IL1RAPL1: variants seen among roughly 807,000 people sequenced by gnomAD.
IL1RAPL1 encodes the protein interleukin 1 receptor accessory protein like 1.
In IL1RAPL1, 3 loss-of-function variants were observed where a neutral mutation model predicts 48.4. The observed-to-expected ratio is 0.06, with a 90% CI of 0.03 to 0.16. The LOEUF is 0.16. Ranked by LOEUF, IL1RAPL1 falls within the 10% of genes least tolerant of loss-of-function variation. IL1RAPL1 has a pLI of 1.00. For synonymous variants in IL1RAPL1, 185 were observed against 187.7 expected, an observed-to-expected ratio of 0.99 and a Z score of 0.12; for missense variants, 349 against 530.6, an observed-to-expected ratio of 0.66 and a Z score of 3.36.
intron 5 of IL1RAPL1, among the ~76,000 whole-genome samples, chrX:29,450,679 T>C (rs769383778): frequency 8.9e-6 from 1 of 111,894 alleles, no homozygotes; most frequent in East Asian, 2.8e-4. Flanking sequence ...TAAAAAAATT[T>C]GAAAATTCAT....
intron 2 of IL1RAPL1, among the ~76,000 whole-genome samples, chrX:29,184,170 T>A (rs1930205300): frequency 9.0e-6 from 1 of 111,431 alleles, no homozygotes; most frequent in African/African-American, 3.3e-5. Context: ...ATATACACCG[T>A]CATCCTGACT....
intron 2 of IL1RAPL1, among the ~76,000 whole-genome samples, chrX:29,024,890 A>G (rs978087042): frequency 2.7e-5 from 3 of 111,788 alleles, no homozygotes; most frequent in Non-Finnish European, 5.6e-5. Context: ...AACCATCACC[A>G]CAATCTAAAT....
chrX:29,912,235 C>T (rs771730188), intron 6 of IL1RAPL1, among the ~76,000 whole-genome samples: 26 of 111,188 alleles, frequency 2.3e-4, no homozygotes, highest in African/African-American at 7.8e-4. Flanking sequence ...CAATGTGAAG[C>T]CTAGTTTACA....
chrX:29,868,938 C>T (rs12116066), intron 6 of IL1RAPL1, among the ~76,000 whole-genome samples: 3,566 of 111,570 alleles, frequency 0.032, 142 homozygotes, highest in African/African-American at 0.1. Context: ...TCCACTCAAC[C>T]GGTTGGAATT....
chrX:29,293,160 C>G (rs1480981574), intron 3 of IL1RAPL1, among the ~76,000 whole-genome samples: 1 of 111,751 alleles, frequency 8.9e-6, no homozygotes, highest in East Asian at 2.8e-4. Flanking sequence ...GGGTTGTGCT[C>G]TTTTCAAAAA....
intron 3 of IL1RAPL1, among the ~76,000 whole-genome samples, chrX:29,322,385 G>T (rs780120133): frequency 3.4e-4 from 37 of 109,710 alleles, no homozygotes; most frequent in Admixed American, 8.8e-4. Flanking sequence ...TCCTGCCTCA[G>T]CCTCCTGTGT....
In IL1RAPL1 at chrX:28,901,795, C is replaced by T. The variant is rs779332178; in HGVS notation, c.82+112370C>T. Reference sequence around the variant, plus strand: ...TAGGATAGCGATTTCCATCCTCACTCGCTCAAATATTACTCAGCCTTTCTT... The same window carrying T: ...TAGGATAGCGATTTCCATCCTCACTTGCTCAAATATTACTCAGCCTTTCTT... On this transcript the variant is annotated intron_variant, in intron 2 of 10. Transcript: ENST00000378993. 6.3e-5 allele frequency among the ~76,000 whole-genome samples: 7 copies of T among 111,998 alleles called. No individual in the cohort carries two copies. The East Asian group carries it at 8.4e-4, about 14-fold the overall frequency.
intron 3 of IL1RAPL1, among the ~76,000 whole-genome samples, chrX:29,378,190 ATTC>A (rs1241446497): frequency 1.8e-5 from 2 of 111,229 alleles, no homozygotes; most frequent in East Asian, 5.6e-4. Flanking sequence ...TTATTATAAA[ATTC>A]TTCTAGTAAT....
At chrX:29,794,190 A>G (rs1195534585) in intron 6 of IL1RAPL1, among the ~76,000 whole-genome samples, 1 of 111,872 alleles carries the variant, frequency 8.9e-6, no homozygotes, top group Non-Finnish European at 1.9e-5. Flanking sequence ...AACCCAATCT[A>G]TGAATGAAAT....
chrX:29,162,068 G>T (rs972213328), intron 2 of IL1RAPL1, among the ~76,000 whole-genome samples: 2 of 111,752 alleles, frequency 1.8e-5, no homozygotes, highest in Non-Finnish European at 3.8e-5. Flanking sequence ...GGAAATGGAT[G>T]AAGCTGGAAG....
Position 28,993,445 on chromosome X carries a change from C to G in IL1RAPL1, c.82+204020C>G, listed in dbSNP as rs1466409741. The stretch of plus-strand genomic sequence containing the variant: ...CAGTAGAGATGAGCTGTGAACAAGT[C>G]GATCCAAGATAATATAATTTGAAGA... On this transcript the variant is annotated intron_variant, in intron 2 of 10. Coordinates refer to ENST00000378993, the MANE Select transcript of IL1RAPL1 (RefSeq NM_014271.4). Among the ~76,000 whole-genome samples, 15 of 111,160 alleles carry G rather than the reference C, an allele frequency of 1.3e-4. 1 individual carries two copies. In the Admixed American group the frequency reaches 1.4e-3, roughly 11 times the overall value.
chrX:29,831,398 G>A (rs1422057500), intron 6 of IL1RAPL1, among the ~76,000 whole-genome samples: 1 of 111,529 alleles, frequency 9.0e-6, no homozygotes, highest in African/African-American at 3.3e-5. Flanking sequence ...AGATGAGACA[G>A]GAATGGAATC....
intron 2 of IL1RAPL1, among the ~76,000 whole-genome samples, chrX:28,906,031 A>G (rs1310879383): frequency 8.9e-6 from 1 of 112,364 alleles, no homozygotes; most frequent in East Asian, 2.8e-4. Context: ...CGGAGGCCTC[A>G]GGAAACTCAC....
chrX:29,679,779 T>C (rs1474117146), intron 6 of IL1RAPL1, among the ~76,000 whole-genome samples: 3 of 111,976 alleles, frequency 2.7e-5, no homozygotes, highest in African/African-American at 9.7e-5. Flanking sequence ...GAGTGAATCT[T>C]ATATTAGATG....
chrX:28,728,439 A>G (rs954618002), intron 1 of IL1RAPL1, among the ~76,000 whole-genome samples: 1 of 111,904 alleles, frequency 8.9e-6, no homozygotes, highest in African/African-American at 3.2e-5. Context: ...AAACAGTCCA[A>G]CATACAGCCC....
chrX:29,465,157 C>A (rs924997178), intron 5 of IL1RAPL1, among the ~76,000 whole-genome samples: 1 of 111,629 alleles, frequency 9.0e-6, no homozygotes, highest in African/African-American at 3.3e-5. Flanking sequence ...GTAATCCCAG[C>A]ACTTTGGGAG....
At chrX:28,991,568 G>T (rs1378109883) in intron 2 of IL1RAPL1, among the ~76,000 whole-genome samples, 1 of 111,582 alleles carries the variant, frequency 9.0e-6, no homozygotes, top group Non-Finnish European at 1.9e-5. Context: ...AACTTTGATG[G>T]TAATAATAAC....
chrX:28,977,892 G>A (rs1384210690), intron 2 of IL1RAPL1, among the ~76,000 whole-genome samples: 1 of 111,866 alleles, frequency 8.9e-6, no homozygotes, highest in Non-Finnish European at 1.9e-5. Flanking sequence ...GGACCCGGGG[G>A]GTGGAGGTTG....
intron 5 of IL1RAPL1, among the ~76,000 whole-genome samples, chrX:29,455,641 C>T (rs1184241989): frequency 9.0e-6 from 1 of 111,253 alleles, no homozygotes; most frequent in African/African-American, 3.3e-5. Flanking sequence ...AAACCCCCTC[C>T]AGAATATTAA....
Sources: allele counts gnomAD v4.1 joint callset (sites outside exome capture counted in the v4.1 genomes callset), GRCh38; gene constraint gnomAD v4.1.1; transcripts MANE v1.5; gene names NCBI Gene and HGNC (gene_info 2026-07-23, HGNC 2026-07-21).